The following INPP4B variants were observed in gnomAD, a reference collection of about 807,000 sequenced individuals.
INPP4B encodes the protein inositol polyphosphate 4-phosphatase type II.
A neutral mutation model predicts 122.5 loss-of-function variants in INPP4B; 55 were observed. That is an observed-to-expected ratio of 0.45 (90% CI 0.36 to 0.56). INPP4B has a LOEUF of 0.56. Ranked by LOEUF, INPP4B falls within the 20% of genes least tolerant of loss-of-function variation. The pLI is 0.00. For missense variants in INPP4B, 1,000 were observed against 1,097.7 expected, an observed-to-expected ratio of 0.91 and a Z score of 1.26; for synonymous variants, 403 against 388.7, an observed-to-expected ratio of 1.04 and a Z score of -0.43.
intron 7 of INPP4B, among the ~76,000 whole-genome samples, chr4:142,345,125 G>T (rs954082512): frequency 6.6e-6 from 1 of 151,852 alleles, no homozygotes; most frequent in Non-Finnish European, 1.5e-5. Flanking sequence ...ACCTTAAAGT[G>T]CACCTAACTC....
chr4:142,323,508 C>G (rs900628841), intron 7 of INPP4B, among the ~76,000 whole-genome samples: 3 of 146,698 alleles, frequency 2.0e-5, no homozygotes, highest in African/African-American at 7.6e-5. Context: ...TGCAGTGGCA[C>G]GATCTTGGCT....
At chr4:142,705,347 T>G (rs765784636) in intron 2 of INPP4B, among the ~76,000 whole-genome samples, 15 of 152,046 alleles carry the variant, frequency 9.9e-5, no homozygotes, top group Non-Finnish European at 1.6e-4. Flanking sequence ...CTGACTCTCC[T>G]TTTTTTGTGT....
At chr4:142,575,254 G>A (rs1233133861) in intron 2 of INPP4B, among the ~76,000 whole-genome samples, 2 of 151,816 alleles carry the variant, frequency 1.3e-5, no homozygotes, top group Non-Finnish European at 2.9e-5. Flanking sequence ...GGGAAATGAA[G>A]AACAAAAGTT....
chr4:142,545,992 T>A (rs757764915), intron 2 of INPP4B, among the ~76,000 whole-genome samples: 23 of 151,900 alleles, frequency 1.5e-4, no homozygotes, highest in Non-Finnish European at 7.4e-5. Flanking sequence ...CAGGTAAACT[T>A]GTGTCATGGG....
chr4:142,364,506 A>G (rs920943873), intron 7 of INPP4B, among the ~76,000 whole-genome samples: 3 of 152,016 alleles, frequency 2.0e-5, no homozygotes, highest in African/African-American at 7.2e-5. Context: ...CCATTTGTGC[A>G]GGGTATTTTT....
intron 9 of INPP4B, among the ~76,000 whole-genome samples, chr4:142,293,360 C>A (rs563387479): frequency 6.6e-6 from 1 of 151,936 alleles, no homozygotes; most frequent in Non-Finnish European, 1.5e-5. Context: ...GGGAACTTAG[C>A]GGATCAACCA....
rs565236196 is a variant in INPP4B at position 142,593,179 on chromosome 4, T to A, written c.-190-130453A>T. On this transcript the variant is annotated intron_variant, in intron 2 of 25. Transcript: ENST00000262992. ...TTAGGGAAAAACTAGTCTGCATCATTTTTACCATTTATTTAAAATGTGAGG... is the reference window on the plus strand; with the variant it reads ...TTAGGGAAAAACTAGTCTGCATCATATTTACCATTTATTTAAAATGTGAGG... 2.0e-5 allele frequency among the ~76,000 whole-genome samples: 3 copies of A among 152,166 alleles called. No individual in the cohort carries two copies. The South Asian group carries it at 6.2e-4, about 32-fold the overall frequency.
Position 142,303,843 on chromosome 4 carries a change from T to C in INPP4B, c.503+1615A>G, listed in dbSNP as rs61553390. Among the ~76,000 whole-genome samples the C allele has an allele frequency of 5.2e-3, 787 of 152,252 alleles. 11 individuals are homozygous for C. The highest frequency in any genetic ancestry group is 0.018 in the African/African-American group (751 of 41,564). On this transcript the variant is annotated intron_variant, in intron 9 of 25. Coordinates refer to ENST00000262992, the MANE Select transcript of INPP4B (RefSeq NM_001101669.3). ...TTTTCATCTAAATATGAAATTTATG[T>C]ATTTCTTTTCTCTTTCAAGGGTAAT...
In INPP4B at chr4:142,644,257, G is replaced by A. The variant is rs1380429076; in HGVS notation, c.-191+81582C>T. Among the ~76,000 whole-genome samples, 21 of 143,718 alleles carry A rather than the reference G, an allele frequency of 1.5e-4. 1 individual carries two copies. Among genetic ancestry groups the A allele is most frequent in the African/African-American group, 4.9e-4 (19 of 39,160 alleles). The allele number at this position is 143,718 out of a possible 152,430, so 94.3% of individuals were successfully genotyped here. The stretch of plus-strand genomic sequence containing the variant: ...GAGAAGGAGGAGAAAGAGAAGGAAG[G>A]GGGTCAGGAGGAGGAGGAGTGGGGG... On this transcript the variant is annotated intron_variant, in intron 2 of 25. Coordinates refer to ENST00000262992, the MANE Select transcript of INPP4B (RefSeq NM_001101669.3).
chr4:142,124,472 A>C, intron 19 of INPP4B, 116 bp downstream of exon 19: 1 of 952,084 alleles, frequency 1.1e-6, no homozygotes, highest in Non-Finnish European at 1.6e-6. Flanking sequence ...GGATACCAAA[A>C]CTTTAAGGAT....
chr4:142,038,857 TA>T (rs1221563186), intron 25 of INPP4B, among the ~76,000 whole-genome samples: 1 of 152,234 alleles, frequency 6.6e-6, no homozygotes, highest in African/African-American at 2.4e-5. Context: ...TCTTTTTAGA[TA>T]TTTTTTTTCA....
intron 1 of INPP4B, among the ~76,000 whole-genome samples, chr4:142,825,471 G>GTATCATATCATATCA (rs200616320): frequency 9.5e-4 from 144 of 151,710 alleles, no homozygotes; most frequent in African/African-American, 3.4e-3. Flanking sequence ...ATATATATAT[G>GTATCATATCATATCA]TATCATATCA....
intron 3 of INPP4B, among the ~76,000 whole-genome samples, chr4:142,441,411 C>T (rs914351724): frequency 6.6e-6 from 1 of 152,090 alleles, no homozygotes; most frequent in Admixed American, 6.5e-5. Flanking sequence ...TAGTAAATTA[C>T]AAGCCACTAA....
intron 22 of INPP4B, among the ~76,000 whole-genome samples, chr4:142,108,538 T>C (rs1017370481): frequency 1.3e-5 from 2 of 152,186 alleles, no homozygotes; most frequent in Non-Finnish European, 2.9e-5. Flanking sequence ...GTATGTGTTT[T>C]AAAAAACTTT....
intron 12 of INPP4B, among the ~76,000 whole-genome samples, chr4:142,231,966 T>C (rs1854569550): frequency 6.6e-6 from 1 of 152,190 alleles, no homozygotes; most frequent in Non-Finnish European, 1.5e-5. Flanking sequence ...ACAGGCCTGC[T>C]TTTGTCAATA....
At chr4:142,750,972 G>T (rs1228588825) in intron 1 of INPP4B, among the ~76,000 whole-genome samples, 1 of 152,052 alleles carries the variant, frequency 6.6e-6, no homozygotes, top group Non-Finnish European at 1.5e-5. Context: ...TTCTCAAAAA[G>T]TAGAAGAGTT....
chr4:142,396,927 T>C (rs960749540), intron 7 of INPP4B, among the ~76,000 whole-genome samples: 1 of 152,056 alleles, frequency 6.6e-6, no homozygotes, highest in East Asian at 1.9e-4. Context: ...CCTCAGGTTG[T>C]ATGGGGTGGT....
chr4:142,160,860 G>A (rs1410059788), intron 16 of INPP4B, among the ~76,000 whole-genome samples: 1 of 151,954 alleles, frequency 6.6e-6, no homozygotes, highest in Non-Finnish European at 1.5e-5. Flanking sequence ...CTTTGGAGAT[G>A]AATTTCAGTG....
intron 12 of INPP4B, among the ~76,000 whole-genome samples, chr4:142,237,178 A>G (rs1857026557): frequency 6.6e-6 from 1 of 152,082 alleles, no homozygotes; most frequent in South Asian, 2.1e-4. Flanking sequence ...TAGTTTTTAG[A>G]CTAATAAATT....
Sources: allele counts gnomAD v4.1 joint callset (sites outside exome capture counted in the v4.1 genomes callset), GRCh38; gene constraint gnomAD v4.1.1; transcripts MANE v1.5; gene names NCBI Gene and HGNC (gene_info 2026-07-23, HGNC 2026-07-21).